The following CSMD3 variants were observed in gnomAD, a reference collection of about 807,000 sequenced individuals.
CSMD3 encodes the protein CUB and sushi domain-containing protein 3.
In CSMD3, 177 loss-of-function variants were observed where a neutral mutation model predicts 435.2. The observed-to-expected ratio is 0.41, with a 90% confidence interval of 0.36 to 0.46. The LOEUF is 0.46. Among genes scored for constraint, CSMD3 ranks in the 20% least tolerant of loss-of-function variants. The pLI is 0.34. For synonymous variants in CSMD3, 1,656 were observed against 1,520.5 expected (o/e 1.09, Z -2.07); for missense variants, 4,265 against 4,504.6 (o/e 0.95, Z 1.52).
At chr8:113,334,087 G>A (rs529029374) in intron 1 of CSMD3, among the ~76,000 whole-genome samples, 11 of 151,708 alleles carry the variant, frequency 7.3e-5, no homozygotes, top group Admixed American at 2.6e-4. Context: ...CAAAAATTAC[G>A]ATTTTTAACT....
At chr8:112,557,323 C>T (rs1228235411) in intron 24 of CSMD3, among the ~76,000 whole-genome samples, 6 of 151,800 alleles carry the variant, frequency 4.0e-5, no homozygotes, top group Non-Finnish European at 7.4e-5. Context: ...CACAGAGCTC[C>T]TAAAAGTCTT....
rs1821387793 is a variant in CSMD3 at position 112,306,020 on chromosome 8, G to A, written c.8058C>T (p.Thr2686=). The A allele has an allele frequency of 6.2e-7, 1 of 1,613,150 alleles. No homozygotes were observed. Among genetic ancestry groups the A allele is most frequent in the South Asian group, 1.1e-5 (1 of 91,062 alleles). Residue 2686 remains threonine, a synonymous_variant, in exon 51 of 71, where the codon ACC becomes ACT. Coordinates refer to ENST00000297405, the MANE Select transcript of CSMD3 (RefSeq NM_198123.2). ...TGACACACATACCAACACAGCGAGG[G>A]GTCTTGTTATGATTGCTCCATGTTC... ...SDGTWSNHNK[T]PRCVVVTCPS... is the part of the protein sequence containing the mutation.
intron 1 of CSMD3, among the ~76,000 whole-genome samples, chr8:113,394,776 T>G (rs576329136): frequency 2.6e-5 from 4 of 152,098 alleles, no homozygotes; most frequent in African/African-American, 9.7e-5. Context: ...ATTCAAGAAA[T>G]TGAATGTATT....
At chr8:113,421,679 C>T (rs1304831767) in intron 1 of CSMD3, among the ~76,000 whole-genome samples, 1 of 152,056 alleles carries the variant, frequency 6.6e-6, no homozygotes, top group African/African-American at 2.4e-5. Flanking sequence ...CCCTTCCCAT[C>T]CTCCTCTTCC....
intron 5 of CSMD3, among the ~76,000 whole-genome samples, chr8:113,053,274 G>A (rs2088175807): frequency 6.6e-6 from 1 of 152,102 alleles, no homozygotes; most frequent in Non-Finnish European, 1.5e-5. Context: ...CCATCTGGTA[G>A]CCAGCACTGG....
At chr8:112,517,290 G>A (rs183729172) in intron 27 of CSMD3, 65 bp from the exon 28 acceptor site, 2 of 1,173,652 alleles carry the variant, frequency 1.7e-6, no homozygotes, top group South Asian at 1.3e-5. Context: ...ATATATCCCT[G>A]TGTTTTAGAA....
At chr8:113,336,755 A>C (rs758830280) in intron 1 of CSMD3, among the ~76,000 whole-genome samples, 1 of 152,052 alleles carries the variant, frequency 6.6e-6, no homozygotes, top group Non-Finnish European at 1.5e-5. Flanking sequence ...GAAGCAGAAG[A>C]AGCACCTTGT....
At chr8:112,922,741 AT>A (rs1402225587) in intron 9 of CSMD3, among the ~76,000 whole-genome samples, 1 of 152,086 alleles carries the variant, frequency 6.6e-6, no homozygotes, top group African/African-American at 2.4e-5. Context: ...TTAACATGGC[AT>A]AAAAAGTCCT....
intron 31 of CSMD3, among the ~76,000 whole-genome samples, chr8:112,482,104 T>TC (rs1746540592): frequency 6.6e-6 from 1 of 152,206 alleles, no homozygotes; most frequent in Non-Finnish European, 1.5e-5. Context: ...TCTACACCTG[T>TC]CATCTCACTG....
intron 3 of CSMD3, among the ~76,000 whole-genome samples, chr8:113,255,077 C>T (rs1050722220): frequency 2.6e-5 from 4 of 152,082 alleles, no homozygotes; most frequent in African/African-American, 7.2e-5. Context: ...AATTCACATA[C>T]GTTCACGCAT....
intron 63 of CSMD3, among the ~76,000 whole-genome samples, chr8:112,252,072 A>T (rs931926702): frequency 6.6e-6 from 1 of 151,988 alleles, no homozygotes; most frequent in African/African-American, 2.4e-5. Flanking sequence ...AGAGTGAACA[A>T]ATGAACACAT....
intron 5 of CSMD3, among the ~76,000 whole-genome samples, chr8:113,079,544 C>G (rs1476692194): frequency 6.6e-6 from 1 of 151,950 alleles, no homozygotes; most frequent in East Asian, 1.9e-4. Flanking sequence ...TCATGAGTTT[C>G]AGGGATTTGG....
chr8:112,891,018 T>G (rs1405915005), intron 10 of CSMD3, among the ~76,000 whole-genome samples: 1 of 151,630 alleles, frequency 6.6e-6, no homozygotes, highest in Non-Finnish European at 1.5e-5. Flanking sequence ...ATATTAATAT[T>G]TATATGTAGT....
At chr8:112,658,980 A>C (rs756098554) in intron 17 of CSMD3, among the ~76,000 whole-genome samples, 33 of 152,064 alleles carry the variant, frequency 2.2e-4, no homozygotes, top group Non-Finnish European at 4.0e-4. Flanking sequence ...GAAATTGTCA[A>C]TCTATTATTT....
Position 112,399,165 on chromosome 8 carries a change from G to A in CSMD3, c.5809+7359C>T, listed in dbSNP as rs1003558579. Among the ~76,000 whole-genome samples, 6 of 151,980 alleles carry A rather than the reference G, an allele frequency of 3.9e-5. No homozygotes were observed. In the South Asian group the frequency reaches 6.2e-4, roughly 16 times the overall value. Reference sequence around the variant, plus strand: ...ATTCTTGACTTCACGTGATCCACCCGCCTCGGCTAAACTCTTAAAGTTCTC... The same window carrying A: ...ATTCTTGACTTCACGTGATCCACCCACCTCGGCTAAACTCTTAAAGTTCTC... On this transcript the variant is annotated intron_variant, in intron 35 of 70. Transcript: ENST00000297405.
chr8:112,433,178 A>G (rs555826816), intron 32 of CSMD3, among the ~76,000 whole-genome samples: 2 of 152,254 alleles, frequency 1.3e-5, no homozygotes, highest in Admixed American at 6.6e-5. Flanking sequence ...AAATAAATGT[A>G]TACAGTAGGC....
At chr8:112,708,602 T>G (rs1244343445) in intron 13 of CSMD3, among the ~76,000 whole-genome samples, 4 of 149,538 alleles carry the variant, frequency 2.7e-5, no homozygotes, top group Non-Finnish European at 5.9e-5. Context: ...AATATAAAAA[T>G]ATATGGCAAA....
At chr8:112,371,664 C>G (rs4876285) in intron 38 of CSMD3, among the ~76,000 whole-genome samples, 4 of 151,884 alleles carry the variant, frequency 2.6e-5, no homozygotes, top group African/African-American at 7.3e-5. Flanking sequence ...CCGAGGCGGG[C>G]GTATTACGAG....
At chr8:112,392,143 C>A (rs1045420576) in intron 35 of CSMD3, among the ~76,000 whole-genome samples, 8 of 152,136 alleles carry the variant, frequency 5.3e-5, no homozygotes, top group Admixed American at 1.3e-4. Context: ...CCTTTTGCTA[C>A]AAATATTATT....
Sources: allele counts gnomAD v4.1 joint callset (sites outside exome capture counted in the v4.1 genomes callset), GRCh38; gene constraint gnomAD v4.1.1; transcripts MANE v1.5; gene names NCBI Gene and HGNC (gene_info 2026-07-23, HGNC 2026-07-21).